Variants in LRRFIP2 observed in about 807,000 individuals in gnomAD.
LRRFIP2 encodes LRR binding FLII interacting protein 2.
Under a neutral mutation model 125.9 loss-of-function variants are expected in LRRFIP2, and 109 were observed. The ratio of observed to expected loss-of-function variants is 0.87; its 90% CI spans 0.74 to 1.01. LRRFIP2 has a LOEUF of 1.01. Among genes scored for constraint, LRRFIP2 ranks in the 50% least tolerant of loss-of-function variants. The probability of loss-of-function intolerance (pLI) is 0.00; values close to 1 mark genes in which losing one functional copy is unlikely to be tolerated. For missense variants in LRRFIP2, 850 were observed against 862.3 expected, an observed-to-expected ratio of 0.99 and a Z score of 0.18; for synonymous variants, 291 against 293.1, an observed-to-expected ratio of 0.99 and a Z score of 0.07.
chr3:37,084,011 T>G (rs994124893), intron 18 of LRRFIP2, among the ~76,000 whole-genome samples: 23 of 152,294 alleles, frequency 1.5e-4, no homozygotes, highest in African/African-American at 4.6e-4. Context: ...GAACAATATG[T>G]GCTCTCTGTT....
chr3:37,109,587 A>AT lies in LRRFIP2; in HGVS notation c.565-17dup, dbSNP rs1156286580. ...TAGGAGAGGCCTAAGAAAAAAGTGT[A>AT]TTATTAAACCCCAAAAAAAGCAACT... is the stretch of plus-strand genomic sequence containing the variant. On this transcript the variant is annotated splice_polypyrimidine_tract_variant and intron_variant, in intron 10 of 27. Transcript: ENST00000336686. The AT allele has an allele frequency of 1.9e-6, 3 of 1,613,952 alleles. No individual in the cohort carries two copies. Among genetic ancestry groups the AT allele is most frequent in the Admixed American group, 1.7e-5 (1 of 60,006 alleles).
chr3:37,122,161 C>T (rs139449476), intron 4 of LRRFIP2, among the ~76,000 whole-genome samples: 3,678 of 147,080 alleles, frequency 0.025, 63 homozygotes, highest in African/African-American at 0.04. Flanking sequence ...AGTGAGAACA[C>T]GCGGCGTTTG....
chr3:37,108,038 A>C (rs1463230511), intron 13 of LRRFIP2, 35 bp downstream of exon 13: 3 of 1,591,054 alleles, frequency 1.9e-6, no homozygotes, highest in Non-Finnish European at 1.7e-6. Flanking sequence ...ACAATCAAAA[A>C]TTTCTACAAA....
At chr3:37,124,513 T>C (rs971184154) in intron 4 of LRRFIP2, among the ~76,000 whole-genome samples, 5 of 152,180 alleles carry the variant, frequency 3.3e-5, no homozygotes, top group African/African-American at 1.2e-4. Flanking sequence ...GTAGCAACGA[T>C]ATAAAGTGAC....
rs146653686 is a variant in LRRFIP2, at chr3:37,111,275, TA to T, written c.439-211del. Among the ~76,000 whole-genome samples the T allele has an allele frequency of 3.6e-3, 544 of 152,294 alleles. 2 individuals are homozygous for T. Among genetic ancestry groups the T allele is most frequent in the African/African-American group, 0.012 (511 of 41,568 alleles). ...AAAGACATTACTAAATTTTTAAATTTAAAAACAAGACAATAAACCCTCAGAG... is the reference window on the plus strand; with the variant it reads ...AAAGACATTACTAAATTTTTAAATTTAAAACAAGACAATAAACCCTCAGAG... On this transcript the variant is annotated intron_variant, in intron 8 of 27. Coordinates refer to ENST00000336686, the MANE Select transcript of LRRFIP2 (RefSeq NM_006309.4).
chr3:37,053,898 G>A lies in LRRFIP2; in HGVS notation c.2119C>T (p.Leu707=), dbSNP rs1373802970. The change falls in exon 28 of 28, where the codon CTG becomes TTG. Residue 707 remains leucine (L), a synonymous_variant. Coordinates refer to ENST00000336686, the MANE Select transcript of LRRFIP2 (RefSeq NM_006309.4). The part of the protein sequence containing the change: ...EMTNSHLAKR[L]EKMKANRTAL... ...GTCCTATTGGCCTTCATCTTCTCCAGCCGCTTGGCCAGGTGGCTGTTGGTC... is the reference window on the plus strand; with the variant it reads ...GTCCTATTGGCCTTCATCTTCTCCAACCGCTTGGCCAGGTGGCTGTTGGTC... 1 of 1,614,050 alleles carries A rather than the reference G, an allele frequency of 6.2e-7. No individual in the cohort carries two copies. Among genetic ancestry groups the A allele is most frequent in the Non-Finnish European group, 8.5e-7 (1 of 1,179,996 alleles).
intron 2 of LRRFIP2, among the ~76,000 whole-genome samples, chr3:37,130,543 C>T (rs76559327): frequency 0.014 from 2,092 of 152,266 alleles, 43 homozygotes; most frequent in African/African-American, 0.045. Flanking sequence ...GTTTCAGTTA[C>T]CCATGGTTAA....
chr3:37,132,114 T>C (rs970641924), intron 2 of LRRFIP2, among the ~76,000 whole-genome samples: 1 of 152,134 alleles, frequency 6.6e-6, no homozygotes, highest in Non-Finnish European at 1.5e-5. Flanking sequence ...CCTCTATGAG[T>C]AGACACTAGT....
At chr3:37,121,366 C>A (rs2095030348) in intron 6 of LRRFIP2, 126 bp downstream of exon 6, 4 of 818,528 alleles carry the variant, frequency 4.9e-6, no homozygotes, top group Non-Finnish European at 7.9e-6. Context: ...AAGGTCTTTG[C>A]CAATATTTTA....
chr3:37,148,986 T>C lies in LRRFIP2; in HGVS notation c.-3A>G, dbSNP rs1485725452. 6 of 1,613,984 alleles carry C rather than the reference T, an allele frequency of 3.7e-6. No homozygotes were observed. Among genetic ancestry groups the C allele is most frequent in the Middle Eastern group, 1.7e-4 (1 of 6,060 alleles). On this transcript the variant is annotated 5_prime_UTR_variant, in exon 2 of 28. Coordinates refer to ENST00000336686, the MANE Select transcript of LRRFIP2 (RefSeq NM_006309.4). Reference sequence around the variant, plus strand: ...CTTCCAGAAGCAGGAGTCCCCATCTTGTGTTCTTAATAGTCTTTTAACTTT... The same window carrying C: ...CTTCCAGAAGCAGGAGTCCCCATCTCGTGTTCTTAATAGTCTTTTAACTTT...
At chr3:37,096,559 T>G (rs2093729010) in intron 16 of LRRFIP2, 57 bp downstream of exon 16, 7 of 1,046,300 alleles carry the variant, frequency 6.7e-6, no homozygotes, top group Non-Finnish European at 8.8e-6. Flanking sequence ...ATGAACAAGT[T>G]ACAGATAGCA....
intron 21 of LRRFIP2, among the ~76,000 whole-genome samples, chr3:37,072,111 C>A (rs1370350682): frequency 6.6e-6 from 1 of 152,076 alleles, no homozygotes; most frequent in African/African-American, 2.4e-5. Context: ...ACTTTCTCCC[C>A]ACCACTACCC....
At chr3:37,172,457 G>T (rs1560201830) in intron 1 of LRRFIP2, among the ~76,000 whole-genome samples, 1 of 152,202 alleles carries the variant, frequency 6.6e-6, no homozygotes, top group Non-Finnish European at 1.5e-5. Flanking sequence ...ATTGAATATG[G>T]TTGCTTGGAT....
At chr3:37,113,198 G>A (rs995605048) in intron 7 of LRRFIP2, among the ~76,000 whole-genome samples, 13 of 152,080 alleles carry the variant, frequency 8.5e-5, no homozygotes, top group African/African-American at 2.9e-4. Context: ...ACCTCCCTCT[G>A]TGCCAAGCAT....
At position 37,126,008 on chromosome 3, in the gene LRRFIP2, G is replaced by GTTT. The variant is rs372835769; in HGVS notation, c.228+1619_228+1621dup. Among the ~76,000 whole-genome samples, 96 of 131,666 alleles carry GTTT rather than the reference G, an allele frequency of 7.3e-4. No individual in the cohort carries two copies. In the East Asian group the frequency reaches 0.011, roughly 16 times the overall value. The allele number at this position is 131,666 out of a possible 152,430, so 86.4% of individuals were successfully genotyped here. A position where few individuals can be genotyped will look rare whatever the true frequency, so the allele number is the denominator to read the frequency against. ...TCAACCAACTCACACCAAAGAATCAGTTTTTTTGTTGTTGTTGTTGTTGTT... is the reference window on the plus strand; with the variant it reads ...TCAACCAACTCACACCAAAGAATCAGTTTTTTTTTTGTTGTTGTTGTTGTTGTT... On this transcript the variant is annotated intron_variant, in intron 4 of 27. Coordinates refer to ENST00000336686, the MANE Select transcript of LRRFIP2 (RefSeq NM_006309.4).
chr3:37,088,036 G>A (rs977771024), intron 18 of LRRFIP2, among the ~76,000 whole-genome samples: 1 of 152,210 alleles, frequency 6.6e-6, no homozygotes, highest in African/African-American at 2.4e-5. Flanking sequence ...CTAGCAATCT[G>A]TATTTATTAA....
At chr3:37,100,067 C>T (rs2093937322) in intron 15 of LRRFIP2, among the ~76,000 whole-genome samples, 1 of 152,062 alleles carries the variant, frequency 6.6e-6, no homozygotes, top group Admixed American at 6.6e-5. Flanking sequence ...CTACAGCATA[C>T]CCTTAAAAAG....
At chr3:37,095,026 C>A (rs1190783591) in intron 16 of LRRFIP2, 118 bp from the exon 17 acceptor site, 1 of 696,766 alleles carries the variant, frequency 1.4e-6, no homozygotes, top group Non-Finnish European at 2.6e-6. Context: ...GAAGAAGTTA[C>A]CATGTGTAAT....
rs1185831599 is a variant in LRRFIP2 at position 37,103,002 on chromosome 3, A to G, written c.795T>C (p.Ala265=). 13 of 1,561,282 alleles carry G rather than the reference A, an allele frequency of 8.3e-6. No individual in the cohort carries two copies. Among genetic ancestry groups the G allele is most frequent in the African/African-American group, 1.4e-5 (1 of 73,832 alleles). The change falls in exon 15 of 28, where the codon GCT becomes GCC. Residue 265 remains alanine (A), a synonymous_variant. Coordinates refer to ENST00000336686, the MANE Select transcript of LRRFIP2 (RefSeq NM_006309.4). ...RGRRESVVSA[A]DYFSRSNRRG... Reference sequence around the variant, plus strand: ...TACGATTGGAGCGACTGAAATAATCAGCGGCAGATACCTTTCGGTCAGAAA... The same window carrying G: ...TACGATTGGAGCGACTGAAATAATCGGCGGCAGATACCTTTCGGTCAGAAA...
Sources: allele counts gnomAD v4.1 joint callset (sites outside exome capture counted in the v4.1 genomes callset), GRCh38; gene constraint gnomAD v4.1.1; transcripts MANE v1.5; gene names NCBI Gene and HGNC (gene_info 2026-07-23, HGNC 2026-07-21).